The following PTPRT variants were observed in gnomAD, a reference collection of about 807,000 sequenced individuals.
The protein encoded by PTPRT is protein tyrosine phosphatase receptor type T.
Under a neutral mutation model 176.8 loss-of-function variants are expected in PTPRT, and 56 were observed. That is an observed-to-expected ratio of 0.32 (90% CI 0.26 to 0.40). The LOEUF (loss-of-function observed/expected upper bound fraction) is 0.40. PTPRT is among the 10% of genes least tolerant of loss of function. The pLI is 1.00. For synonymous variants in PTPRT, 783 were observed against 739.0 expected, an observed-to-expected ratio of 1.06 and a Z score of -0.96; for missense variants, 1,540 against 1,908.2, an observed-to-expected ratio of 0.81 and a Z score of 3.60.
intron 12 of PTPRT, among the ~76,000 whole-genome samples, chr20:42,312,635 C>T (rs1055411081): frequency 2.0e-5 from 3 of 152,274 alleles, no homozygotes; most frequent in Admixed American, 2.0e-4. Flanking sequence ...CATAAGCACT[C>T]ATCCAATTCC....
At chr20:42,863,217 A>G (rs994808365) in intron 2 of PTPRT, among the ~76,000 whole-genome samples, 1 of 152,330 alleles carries the variant, frequency 6.6e-6, no homozygotes, top group East Asian at 1.9e-4. Flanking sequence ...TCTTGTAGTT[A>G]TATTGGTAGA....
At chr20:42,248,507 G>A (rs1039024215) in intron 14 of PTPRT, among the ~76,000 whole-genome samples, 180 bp downstream of exon 14, 2 of 152,168 alleles carry the variant, frequency 1.3e-5, no homozygotes, top group African/African-American at 4.8e-5. Context: ...CAAACAGGCA[G>A]CATGCACCCT....
At chr20:42,228,491 T>C (rs919153096) in intron 15 of PTPRT, among the ~76,000 whole-genome samples, 4 of 152,220 alleles carry the variant, frequency 2.6e-5, no homozygotes, top group African/African-American at 7.2e-5. Context: ...TAATATCTCA[T>C]TGTAATAGCA....
intron 2 of PTPRT, among the ~76,000 whole-genome samples, chr20:42,808,636 G>C (rs1272550491): frequency 6.6e-6 from 1 of 152,152 alleles, no homozygotes; most frequent in Non-Finnish European, 1.5e-5. Context: ...ATTTCACCGA[G>C]ATGAGTTGTC....
chr20:42,642,470 G>A (rs1453576842), intron 7 of PTPRT, among the ~76,000 whole-genome samples: 1 of 152,120 alleles, frequency 6.6e-6, no homozygotes, highest in East Asian at 1.9e-4. Context: ...TAATAATCTT[G>A]ATGGTGACAA....
At chr20:42,640,974 T>C (rs1200313635) in intron 7 of PTPRT, among the ~76,000 whole-genome samples, 1 of 152,192 alleles carries the variant, frequency 6.6e-6, no homozygotes, top group African/African-American at 2.4e-5. Flanking sequence ...TTTAGCATTA[T>C]ATCATAAGCA....
intron 18 of PTPRT, among the ~76,000 whole-genome samples, chr20:42,130,593 T>A (rs1214628205): frequency 6.6e-6 from 1 of 152,200 alleles, no homozygotes; most frequent in Non-Finnish European, 1.5e-5. Flanking sequence ...GAATGGGTCC[T>A]ATTATGGACA....
chr20:42,212,221 G>C (rs775787646), intron 15 of PTPRT, among the ~76,000 whole-genome samples: 1 of 145,752 alleles, frequency 6.9e-6, no homozygotes, highest in Non-Finnish European at 1.5e-5. Flanking sequence ...TGGGTGCAGT[G>C]CACCAGCATG....
chr20:42,137,540 C>T (rs1220438777), intron 18 of PTPRT, among the ~76,000 whole-genome samples: 2 of 152,160 alleles, frequency 1.3e-5, no homozygotes, highest in Non-Finnish European at 2.9e-5. Context: ...CCTACCCTGG[C>T]AGGCAAGAGA....
intron 9 of PTPRT, among the ~76,000 whole-genome samples, chr20:42,386,024 CAT>C (rs2058741063): frequency 6.6e-6 from 1 of 152,158 alleles, no homozygotes; most frequent in South Asian, 2.1e-4. Flanking sequence ...CAAACTAAAA[CAT>C]GTGACTCTAT....
chr20:42,800,478 C>G (rs1415030859), intron 2 of PTPRT, among the ~76,000 whole-genome samples: 1 of 152,144 alleles, frequency 6.6e-6, no homozygotes. Context: ...TTGTCAGACC[C>G]CAAATTGTTC....
chr20:42,223,948 C>T (rs1192202170), intron 15 of PTPRT, among the ~76,000 whole-genome samples: 1 of 152,148 alleles, frequency 6.6e-6, no homozygotes, highest in Non-Finnish European at 1.5e-5. Context: ...ACAATCTTTA[C>T]AAAAATCAAG....
At chr20:42,107,753 A>C (rs1986602200) in intron 23 of PTPRT, among the ~76,000 whole-genome samples, 1 of 152,232 alleles carries the variant, frequency 6.6e-6, no homozygotes, top group Non-Finnish European at 1.5e-5. Context: ...TCATGGAAAC[A>C]AGTGTCTTTG....
intron 1 of PTPRT, among the ~76,000 whole-genome samples, chr20:43,178,380 A>G (rs1044784233): frequency 6.6e-6 from 1 of 152,188 alleles, no homozygotes; most frequent in Non-Finnish European, 1.5e-5. Flanking sequence ...CCCTGATTTG[A>G]GACTGTTTAG....
At chr20:43,005,153 A>T (rs1255762734) in intron 1 of PTPRT, among the ~76,000 whole-genome samples, 4 of 151,986 alleles carry the variant, frequency 2.6e-5, no homozygotes, top group Non-Finnish European at 5.9e-5. Context: ...GGTGCTTTTT[A>T]AAAAAACACA....
intron 1 of PTPRT, among the ~76,000 whole-genome samples, chr20:43,009,852 G>C (rs1291665950): frequency 6.6e-6 from 1 of 152,094 alleles, no homozygotes; most frequent in East Asian, 1.9e-4. Flanking sequence ...TTCAGGTTTA[G>C]TCGAGCGGAG....
intron 2 of PTPRT, among the ~76,000 whole-genome samples, chr20:42,807,229 T>C (rs1456344345): frequency 6.6e-6 from 1 of 152,204 alleles, no homozygotes. Context: ...CATCTTCCTT[T>C]TGTTAGTGGC....
At chr20:43,075,065 C>A (rs1296268765) in intron 1 of PTPRT, among the ~76,000 whole-genome samples, 1 of 152,220 alleles carries the variant, frequency 6.6e-6, no homozygotes, top group African/African-American at 2.4e-5. Flanking sequence ...ACATAAACAT[C>A]CAGCCCTTCA....
intron 1 of PTPRT, among the ~76,000 whole-genome samples, chr20:42,965,902 TACA>T (rs1329239893): frequency 3.3e-5 from 5 of 152,238 alleles, no homozygotes; most frequent in African/African-American, 7.2e-5. Flanking sequence ...AGGAAAATTC[TACA>T]ACAACAGTAA....
Sources: allele counts gnomAD v4.1 joint callset (sites outside exome capture counted in the v4.1 genomes callset), GRCh38; gene constraint gnomAD v4.1.1; transcripts MANE v1.5; gene names NCBI Gene and HGNC (gene_info 2026-07-23, HGNC 2026-07-21).